Variants in KLF12 observed in about 807,000 individuals in gnomAD.
The protein encoded by KLF12 is KLF transcription factor 12, also known as Krueppel-like factor 12.
Under a neutral mutation model 37.8 loss-of-function variants are expected in KLF12, and 9 were observed. The observed-to-expected ratio is 0.24, with a 90% CI of 0.14 to 0.42. KLF12 has a LOEUF of 0.42. Ranked by LOEUF, KLF12 falls within the 10% of genes least tolerant of loss-of-function variation. The pLI is 1.00. For missense variants in KLF12, 411 were observed against 516.0 expected (o/e 0.80, Z 1.97); for synonymous variants, 208 against 202.1 (o/e 1.03, Z -0.25).
At chr13:74,083,468 T>C (rs941546915) in intron 1 of KLF12, among the ~76,000 whole-genome samples, 2 of 147,366 alleles carry the variant, frequency 1.4e-5, no homozygotes, top group East Asian at 2.0e-4. Context: ...GATTGTGCCA[T>C]TGCACTCCAG....
At chr13:73,920,084 T>C (rs1889043308) in intron 3 of KLF12, among the ~76,000 whole-genome samples, 1 of 152,192 alleles carries the variant, frequency 6.6e-6, no homozygotes, top group Non-Finnish European at 1.5e-5. Flanking sequence ...AGATGCAAAC[T>C]AGCTTGAAAA....
chr13:74,144,579 A>G, the KLF12 span, among the ~76,000 whole-genome samples: 1 of 152,186 alleles, frequency 6.6e-6, no homozygotes, highest in African/African-American at 2.4e-5. Flanking sequence ...GCACAGTAAC[A>G]AGGGAAAATA....
At chr13:73,723,703 G>C (rs1876445188) in intron 6 of KLF12, among the ~76,000 whole-genome samples, 1 of 152,058 alleles carries the variant, frequency 6.6e-6, no homozygotes, top group African/African-American at 2.4e-5. Context: ...TTAAAAATAA[G>C]TTATCCTTAT....
At chr13:73,860,832 C>A (rs1433796601) in intron 3 of KLF12, among the ~76,000 whole-genome samples, 2 of 152,090 alleles carry the variant, frequency 1.3e-5, no homozygotes, top group African/African-American at 4.8e-5. Flanking sequence ...GTTTCCAGTG[C>A]CTCATTCTTT....
intron 1 of KLF12, among the ~76,000 whole-genome samples, chr13:74,046,380 T>C (rs1476146397): frequency 1.3e-5 from 2 of 152,066 alleles, no homozygotes; most frequent in Non-Finnish European, 2.9e-5. Flanking sequence ...TTCAGAAGTT[T>C]ATGGAAACAC....
chr13:74,273,295 G>C, the KLF12 span, among the ~76,000 whole-genome samples: 1 of 152,096 alleles, frequency 6.6e-6, no homozygotes, highest in Non-Finnish European at 1.5e-5. Context: ...GTAAATAATA[G>C]AGTAATATCC....
the KLF12 span, among the ~76,000 whole-genome samples, chr13:74,176,284 C>T: frequency 3.4e-3 from 517 of 152,310 alleles, 3 homozygotes; most frequent in African/African-American, 0.012. Context: ...GAGAGTTGAA[C>T]TCTACAACTC....
intron 3 of KLF12, among the ~76,000 whole-genome samples, chr13:73,862,432 A>G (rs1885976480): frequency 6.6e-6 from 1 of 152,186 alleles, no homozygotes; most frequent in Non-Finnish European, 1.5e-5. Flanking sequence ...TCAAGATACA[A>G]TCTTTAGTGA....
At chr13:73,861,657 A>T (rs114777742) in intron 3 of KLF12, among the ~76,000 whole-genome samples, 1 of 152,070 alleles carries the variant, frequency 6.6e-6, no homozygotes. Context: ...TTCCCCTAAC[A>T]TCTTATATAT....
At chr13:73,856,237 G>T (rs996105728) in intron 3 of KLF12, among the ~76,000 whole-genome samples, 1 of 152,222 alleles carries the variant, frequency 6.6e-6, no homozygotes, top group Non-Finnish European at 1.5e-5. Context: ...ATGCCCGCCA[G>T]CCACAGCTTC....
At chr13:73,961,108 T>C (rs1433572623) in intron 2 of KLF12, among the ~76,000 whole-genome samples, 1 of 152,146 alleles carries the variant, frequency 6.6e-6, no homozygotes, top group Non-Finnish European at 1.5e-5. Context: ...TACTATCTTA[T>C]AATCACAACA....
intron 2 of KLF12, among the ~76,000 whole-genome samples, chr13:73,987,807 T>TG (rs1178850820): frequency 4.5e-4 from 18 of 39,940 alleles, no homozygotes; most frequent in African/African-American, 8.9e-4. Context: ...AGAGAGAAAG[T>TG]GGGGGGGTAG....
At chr13:74,299,378 C>A in the KLF12 span, among the ~76,000 whole-genome samples, 1 of 152,128 alleles carries the variant, frequency 6.6e-6, no homozygotes, top group Admixed American at 6.6e-5. Context: ...TCCTTTCACC[C>A]TATATATGCT....
the KLF12 span, among the ~76,000 whole-genome samples, chr13:74,292,937 A>G: frequency 6.6e-6 from 1 of 152,212 alleles, no homozygotes; most frequent in South Asian, 2.1e-4. Flanking sequence ...GTGCTTGGAC[A>G]TAGCAGATTC....
chr13:73,784,272 C>G (rs531379830), intron 5 of KLF12, among the ~76,000 whole-genome samples: 46 of 152,156 alleles, frequency 3.0e-4, no homozygotes, highest in Non-Finnish European at 5.4e-4. Flanking sequence ...TTATATCAAC[C>G]CTAGTTCAAA....
At chr13:74,016,940 A>G (rs1277319611) in intron 1 of KLF12, among the ~76,000 whole-genome samples, 6 of 152,274 alleles carry the variant, frequency 3.9e-5, no homozygotes, top group Admixed American at 1.3e-4. Flanking sequence ...TCATAATGGA[A>G]TATTATACAT....
At chr13:74,210,844 T>C in the KLF12 span, among the ~76,000 whole-genome samples, 1 of 152,182 alleles carries the variant, frequency 6.6e-6, no homozygotes, top group African/African-American at 2.4e-5. Context: ...TAAGTACCCA[T>C]GTTATCTCCT....
At chr13:73,909,755 T>TTAA (rs1888483234) in intron 3 of KLF12, among the ~76,000 whole-genome samples, 1 of 152,206 alleles carries the variant, frequency 6.6e-6, no homozygotes, top group South Asian at 2.1e-4. Context: ...ATAGGCGCAT[T>TTAA]TAAATATCTA....
chr13:74,280,109 G>A, the KLF12 span, among the ~76,000 whole-genome samples: 3 of 152,150 alleles, frequency 2.0e-5, no homozygotes, highest in Non-Finnish European at 2.9e-5. Context: ...TGAGTGGTTG[G>A]TGAGCATATT....
Sources: allele counts gnomAD v4.1 joint callset (sites outside exome capture counted in the v4.1 genomes callset), GRCh38; gene constraint gnomAD v4.1.1; transcripts MANE v1.5; gene names NCBI Gene and HGNC (gene_info 2026-07-23, HGNC 2026-07-21).